The following TNXB variants were observed in gnomAD, a reference collection of about 807,000 sequenced individuals.
The protein encoded by TNXB is tenascin-X.
In TNXB, 183 loss-of-function variants were observed where a neutral mutation model predicts 340.5. The ratio of observed to expected loss-of-function variants is 0.54; its 90% CI spans 0.48 to 0.61. The LOEUF is 0.61. Among genes scored for constraint, TNXB ranks in the 20% least tolerant of loss-of-function variants. The pLI is 0.00. For synonymous variants in TNXB, 2,121 were observed against 2,314.5 expected, an observed-to-expected ratio of 0.92 and a Z score of 2.40; for missense variants, 4,613 against 5,446.4, an observed-to-expected ratio of 0.85 and a Z score of 4.82.
At chr6:32,093,397 G>A (rs1242198054) in intron 4 of TNXB, 1 of 702,354 alleles carries the variant, frequency 1.4e-6, no homozygotes, top group Non-Finnish European at 2.6e-6. Flanking sequence ...ACGAAGTTGA[G>A]ATTTCTGCTT....
Position 32,068,256 on chromosome 6 carries a change from G to T in TNXB, c.6220+134C>A. ...TCAACCTCACAGGAAGGCCCAAGGG[G>T]AGCCCCAGCCCCAGCCACAAGCAGG... On this transcript the variant is annotated intron_variant, in intron 17 of 43. Transcript: ENST00000644971. This position sits in a 1 kb window ranked among gnomAD's most constrained non-coding sequence, Gnocchi z 5.3. 1.5e-6 allele frequency: 2 copies of T among 1,342,486 alleles called. No individual in the cohort carries two copies. The highest frequency in any genetic ancestry group is 2.0e-6 in the Non-Finnish European group (2 of 990,028). The allele number at this position is 1,342,486 out of a possible 1,614,324, so 83.2% of individuals were successfully genotyped here.
Position 32,067,171 on chromosome 6 carries a change from G to GAAAA in TNXB, c.6544+489_6544+490insTTTT. Among the ~76,000 whole-genome samples, 1 of 148,202 alleles carries GAAAA rather than the reference G, an allele frequency of 6.7e-6. No homozygotes were observed. Among genetic ancestry groups the GAAAA allele is most frequent in the Non-Finnish European group, 1.5e-5 (1 of 67,196 alleles). Reference sequence around the variant, plus strand: ...AGAAAGAAAGAAAGAAAGAAAGAAAGAAAGAAAGAAAGAAAACATTCTAGT... The same window carrying GAAAA: ...AGAAAGAAAGAAAGAAAGAAAGAAAGAAAAAAAGAAAGAAAGAAAACATTCTAGT... On this transcript the variant is annotated intron_variant, in intron 18 of 43. Coordinates refer to ENST00000644971, the MANE Select transcript of TNXB (RefSeq NM_001365276.2). This position sits in a 1 kb window ranked among gnomAD's most constrained non-coding sequence, Gnocchi z 4.2.
Position 32,062,337 on chromosome 6 carries a change from A to G in TNXB, c.6988T>C (p.Phe2330Leu). The G allele has an allele frequency of 1.2e-6, 2 of 1,613,546 alleles. No individual in the cohort carries two copies. ...SLSWTVPEGQ[F>L]DHFLVQYKNG... The stretch of plus-strand genomic sequence containing the variant: ...TTGTACTGGACCAGGAAGTGGTCAA[A>G]CTGTCCCTCGGGAACCGTCCAGGAC... The change falls in exon 20 of 44, where the codon TTT becomes CTT. Residue 2330 changes from phenylalanine to leucine, a missense_variant. By Grantham distance (22) the Phe-to-Leu change is conservative. Coordinates refer to ENST00000644971, the MANE Select transcript of TNXB (RefSeq NM_001365276.2). The surrounding 1 kb of genome is among the most constrained non-coding windows in gnomAD (Gnocchi z 4.3).
chr6:32,102,796 TGTAGTCCCAGCTACCTGG>T (rs1780785508), intron 1 of TNXB, among the ~76,000 whole-genome samples: 1 of 152,134 alleles, frequency 6.6e-6, no homozygotes, highest in Admixed American at 6.5e-5. Flanking sequence ...GGCACACACC[TGTAGTCCCAGCTACCTGG>T]GAGGCTAAGG....
At position 32,062,003 on chromosome 6, in the gene TNXB, A is replaced by C. The variant is rs1206602997; in HGVS notation, c.7168+154T>G. On this transcript the variant is annotated intron_variant, in intron 20 of 43. Transcript: ENST00000644971. This position sits in a 1 kb window ranked among gnomAD's most constrained non-coding sequence, Gnocchi z 4.3. ...CCTGCTCAGGGGGAGCCAGGGGTCA[A>C]CCACACAAAAAGGTACAATGGGAGC... 2.0e-5 allele frequency among the ~76,000 whole-genome samples: 3 copies of C among 152,168 alleles called. No homozygotes were observed. In the East Asian group the frequency reaches 5.8e-4, roughly 29 times the overall value.
At chr6:32,092,694 A>G (rs1376333015) in intron 4 of TNXB, among the ~76,000 whole-genome samples, 3 of 150,814 alleles carry the variant, frequency 2.0e-5, no homozygotes, top group African/African-American at 4.8e-5. Flanking sequence ...CTGTCTCAAA[A>G]AAAAAAAAAA....
chr6:32,069,924 G>T lies in TNXB; in HGVS notation c.5279-63C>A. 1.3e-6 allele frequency: 2 copies of T among 1,485,532 alleles called. No individual in the cohort carries two copies. Among genetic ancestry groups the T allele is most frequent in the Non-Finnish European group, 9.0e-7 (1 of 1,107,784 alleles). 92.0% of individuals were successfully genotyped at this position (1,485,532 alleles called of 1,614,324 possible). A position where few individuals can be genotyped will look rare whatever the true frequency, so the allele number is the denominator to read the frequency against. On this transcript the variant is annotated intron_variant, in intron 14 of 43. Coordinates refer to ENST00000644971, the MANE Select transcript of TNXB (RefSeq NM_001365276.2). The surrounding 1 kb of genome is among the most constrained non-coding windows in gnomAD (Gnocchi z 6.2). ...TTCTGGAAGACTGGGTGACCTCGAC[G>T]GGCAGGATTGAGAGGTCTGGAGACA...
chr6:32,075,504 C>A lies in TNXB; in HGVS notation c.4376-1552G>T, dbSNP rs1470952950. 6.6e-6 allele frequency among the ~76,000 whole-genome samples: 1 copy of A among 152,236 alleles called. No individual in the cohort carries two copies. The highest frequency in any genetic ancestry group is 1.5e-5 in the Non-Finnish European group (1 of 68,044). On this transcript the variant is annotated intron_variant, in intron 11 of 43. Coordinates refer to ENST00000644971, the MANE Select transcript of TNXB (RefSeq NM_001365276.2). This position sits in a 1 kb window ranked among gnomAD's most constrained non-coding sequence, Gnocchi z 4.6. ...GGCTGTCCTCTCACCTCCTTCAGGG[C>A]TTTCCTCAGACACTGCCCTCGCAGT...
Position 32,051,441 on chromosome 6 carries a change from G to A in TNXB, c.9116-1120C>T, listed in dbSNP as rs1397905189. Among the ~76,000 whole-genome samples, 9 of 152,212 alleles carry A rather than the reference G, an allele frequency of 5.9e-5. No homozygotes were observed. The highest frequency in any genetic ancestry group is 1.2e-4 in the Non-Finnish European group (8 of 68,042). On this transcript the variant is annotated intron_variant, in intron 26 of 43. Coordinates refer to ENST00000644971, the MANE Select transcript of TNXB (RefSeq NM_001365276.2). This position sits in a 1 kb window ranked among gnomAD's most constrained non-coding sequence, Gnocchi z 4.7. Reference sequence around the variant, plus strand: ...TAAGAGAGTTTCCAAATCTGTTACTGGGAGGAGCTTTGCTACAAAGGTGTT... The same window carrying A: ...TAAGAGAGTTTCCAAATCTGTTACTAGGAGGAGCTTTGCTACAAAGGTGTT...
chr6:32,073,523 G>T lies in TNXB; in HGVS notation c.4681+124C>A, dbSNP rs1778893959. ...AAGACTGGCAGGGTCACCGAGCCAG[G>T]GCCTGAGGGGATCTAGCCCCTCAGT... On this transcript the variant is annotated intron_variant, in intron 12 of 43. Coordinates refer to ENST00000644971, the MANE Select transcript of TNXB (RefSeq NM_001365276.2). This position sits in a 1 kb window ranked among gnomAD's most constrained non-coding sequence, Gnocchi z 4.6. 15 of 829,392 alleles carry T rather than the reference G, an allele frequency of 1.8e-5. No homozygotes were observed. In the South Asian group the frequency reaches 2.6e-4, roughly 15 times the overall value. The allele number at this position is 829,392 out of a possible 1,614,324, so 51.4% of individuals were successfully genotyped here. A position where few individuals can be genotyped will look rare whatever the true frequency, so the allele number is the denominator to read the frequency against.
At chr6:32,060,310 C>A (rs1222330876) in intron 21 of TNXB, among the ~76,000 whole-genome samples, 7 of 148,996 alleles carry the variant, frequency 4.7e-5, no homozygotes, top group Admixed American at 4.7e-4. Flanking sequence ...CCAGCCTGGG[C>A]GACAAGAGCG....
At position 32,052,692 on chromosome 6, in the gene TNXB, T is replaced by C. The variant is rs764699315; in HGVS notation, c.9093A>G (p.Pro3031=). The change falls in exon 26 of 44, where the codon CCA becomes CCG. Residue 3031 remains proline (P), a synonymous_variant. Coordinates refer to ENST00000644971, the MANE Select transcript of TNXB (RefSeq NM_001365276.2). The surrounding 1 kb of genome is among the most constrained non-coding windows in gnomAD (Gnocchi z 4.7). ...CACCTGTCACACCCACAGCGGACACTGGGCCCACGCGCTGCCCCTCGTGGA... is the reference window on the plus strand; with the variant it reads ...CACCTGTCACACCCACAGCGGACACCGGGCCCACGCGCTGCCCCTCGTGGA... ...YGLHEGQRVG[P]VSAVGVTAPK... 5.6e-6 allele frequency: 9 copies of C among 1,613,248 alleles called. No individual in the cohort carries two copies. In the South Asian group the frequency reaches 6.6e-5, roughly 12 times the overall value.
At chr6:32,088,228 C>T (rs991248106) in intron 6 of TNXB, among the ~76,000 whole-genome samples, 3 of 152,154 alleles carry the variant, frequency 2.0e-5, no homozygotes, top group African/African-American at 7.2e-5. Flanking sequence ...GTGGGTGGGG[C>T]CCTGTAGCTG....
At position 32,080,002 on chromosome 6, in the gene TNXB, C is replaced by A. The variant is rs940652247; in HGVS notation, c.4043-637G>T. ...GAGACTGTGGCACAAGGGAAACCAG[C>A]CCTTCTGTGACCTGCTACATGGGGG... On this transcript the variant is annotated intron_variant, in intron 10 of 43. Transcript: ENST00000644971. This position sits in a 1 kb window ranked among gnomAD's most constrained non-coding sequence, Gnocchi z 4.3. Among the ~76,000 whole-genome samples, 1 of 152,190 alleles carries A rather than the reference C, an allele frequency of 6.6e-6. No homozygotes were observed. The highest frequency in any genetic ancestry group is 2.4e-5 in the African/African-American group (1 of 41,448).
Position 32,068,711 on chromosome 6 carries a change from G to A in TNXB, c.5903-4C>T. The A allele has an allele frequency of 6.2e-7, 1 of 1,611,918 alleles. No homozygotes were observed. Among genetic ancestry groups the A allele is most frequent in the Non-Finnish European group, 8.5e-7 (1 of 1,178,436 alleles). On this transcript the variant is annotated splice_polypyrimidine_tract_variant and splice_region_variant and intron_variant, in intron 16 of 43. Coordinates refer to ENST00000644971, the MANE Select transcript of TNXB (RefSeq NM_001365276.2). The surrounding 1 kb of genome is among the most constrained non-coding windows in gnomAD (Gnocchi z 5.3). Reference sequence around the variant, plus strand: ...GAAGGCTTCTCCTCCTCCGGGACTGGACAGAGACATGGAAAGAGAGGACTG... The same window carrying A: ...GAAGGCTTCTCCTCCTCCGGGACTGAACAGAGACATGGAAAGAGAGGACTG...
At position 32,096,921 on chromosome 6, in the gene TNXB, C is replaced by A; in HGVS notation, c.932G>T (p.Cys311Phe). 1 of 1,580,228 alleles carries A rather than the reference C, an allele frequency of 6.3e-7. No individual in the cohort carries two copies. Among genetic ancestry groups the A allele is most frequent in the Non-Finnish European group, 8.7e-7 (1 of 1,151,040 alleles). Residue 311 changes from cysteine to phenylalanine, a missense_variant, in exon 3 of 44, where the codon TGC becomes TTC. By Grantham distance (205) the Cys-to-Phe change is radical. This residue lies in a region of TNXB where 4,327 missense variants were observed against 4,859.4 expected (regional missense o/e 0.89). Coordinates refer to ENST00000644971, the MANE Select transcript of TNXB (RefSeq NM_001365276.2). The stretch of plus-strand genomic sequence containing the variant: ...TCCCCGCTGGCTGCAGCCCCGAGGG[C>A]AGCTCCTCACCCCACAGTCCTCGCC... ...YTGEDCGVRS[C>F]PRGCSQRGRC... is the part of the protein sequence containing the mutation.
chr6:32,103,679 G>C (rs1046081045), intron 1 of TNXB, among the ~76,000 whole-genome samples: 14 of 150,510 alleles, frequency 9.3e-5, no homozygotes, highest in Non-Finnish European at 1.6e-4. Flanking sequence ...TCTTCATCTT[G>C]CTTGACCTTT....
intron 24 of TNXB, among the ~76,000 whole-genome samples, chr6:32,053,912 C>G (rs1451726576): frequency 4.6e-5 from 7 of 150,860 alleles, no homozygotes; most frequent in Non-Finnish European, 1.0e-4. Context: ...ACCTCACCCC[C>G]ACCTCCCAAC....
At position 32,049,204 on chromosome 6, in the gene TNXB, C is replaced by A; in HGVS notation, c.9757+66G>T. On this transcript the variant is annotated intron_variant, in intron 28 of 43. Transcript: ENST00000644971. This position sits in a 1 kb window ranked among gnomAD's most constrained non-coding sequence, Gnocchi z 4.5. ...GCCCAGTCAAAAGAGGTGCCAAGAT[C>A]CAAAGGAGAAACACAAGGGGGCTGC... The A allele has an allele frequency of 3.3e-6, 5 of 1,529,162 alleles. No individual in the cohort carries two copies. Among genetic ancestry groups the A allele is most frequent in the Non-Finnish European group, 4.4e-6 (5 of 1,138,298 alleles). 94.7% of individuals were successfully genotyped at this position (1,529,162 alleles called of 1,614,324 possible). A position where few individuals can be genotyped will look rare whatever the true frequency, so the allele number is the denominator to read the frequency against.
Sources: gnomAD v4.1 joint callset for allele counts (sites outside exome capture counted in the v4.1 genomes callset) on GRCh38, gnomAD v4.1.1 for gene constraint, gnomAD v4.1.1 regional missense constraint, Gnocchi (gnomAD v3.1) non-coding constraint, MANE v1.5 for transcripts, NCBI Gene and HGNC (gene_info 2026-07-23, HGNC 2026-07-21) for gene names.